The following MAML3 variants were observed in gnomAD, a reference collection of about 807,000 sequenced individuals.
MAML3 encodes the protein mastermind-like protein 3.
In MAML3, 27 loss-of-function variants were observed where a neutral mutation model predicts 101.9. That is an observed-to-expected ratio of 0.27 (90% CI 0.20 to 0.37). The LOEUF is 0.37. Ranked by LOEUF, MAML3 falls within the 10% of genes least tolerant of loss-of-function variation. MAML3 has a pLI of 1.00. For synonymous variants in MAML3, 501 were observed against 555.9 expected, an observed-to-expected ratio of 0.90 and a Z score of 1.39; for missense variants, 1,316 against 1,444.9, an observed-to-expected ratio of 0.91 and a Z score of 1.45.
chr4:139,964,887 C>T (rs1734096643), intron 1 of MAML3, among the ~76,000 whole-genome samples: 1 of 152,102 alleles, frequency 6.6e-6, no homozygotes, highest in Admixed American at 6.6e-5. Context: ...AAAGAGAAGT[C>T]TTGGTATGTA....
At chr4:140,104,474 ATTT>A (rs565204552) in intron 1 of MAML3, among the ~76,000 whole-genome samples, 3 of 87,000 alleles carry the variant, frequency 3.4e-5, no homozygotes, top group Non-Finnish European at 4.6e-5. Flanking sequence ...TATATATATA[ATTT>A]TTTTTTTTTT....
chr4:140,128,272 A>T (rs1728716063), intron 1 of MAML3, among the ~76,000 whole-genome samples: 1 of 152,190 alleles, frequency 6.6e-6, no homozygotes, highest in African/African-American at 2.4e-5. Context: ...AGAAGCCAAA[A>T]ATACTCATAG....
chr4:139,746,891 GT>G (rs1362156736), intron 2 of MAML3, among the ~76,000 whole-genome samples: 2 of 152,170 alleles, frequency 1.3e-5, no homozygotes, highest in Non-Finnish European at 2.9e-5. Flanking sequence ...GGAGAATCGG[GT>G]GGGAGGGGGT....
At chr4:139,910,760 T>A (rs1732901446) in intron 1 of MAML3, among the ~76,000 whole-genome samples, 1 of 151,930 alleles carries the variant, frequency 6.6e-6, no homozygotes. Context: ...TGAGTGGGTG[T>A]GAAGGAGAAG....
chr4:140,013,507 G>A (rs376298036), intron 1 of MAML3, among the ~76,000 whole-genome samples: 3 of 151,960 alleles, frequency 2.0e-5, no homozygotes, highest in Non-Finnish European at 2.9e-5. Flanking sequence ...TTTTGTGCCC[G>A]TTTTTCTTTT....
At chr4:139,897,578 C>T (rs557155311) in intron 1 of MAML3, among the ~76,000 whole-genome samples, 23 of 152,250 alleles carry the variant, frequency 1.5e-4, no homozygotes, top group Admixed American at 3.9e-4. Context: ...TCTCATCTTC[C>T]GCCCACAATG....
At chr4:140,057,446 C>T (rs796342202) in intron 1 of MAML3, among the ~76,000 whole-genome samples, 1 of 152,056 alleles carries the variant, frequency 6.6e-6, no homozygotes. Flanking sequence ...AAAGAATGTT[C>T]TAAGGTGATG....
intron 1 of MAML3, among the ~76,000 whole-genome samples, chr4:140,089,139 C>A (rs1227025957): frequency 6.6e-6 from 1 of 152,150 alleles, no homozygotes; most frequent in African/African-American, 2.4e-5. Context: ...TCATATCATA[C>A]CTATGACTGA....
chr4:139,722,550 A>G (rs1728278870), intron 4 of MAML3, among the ~76,000 whole-genome samples: 1 of 152,250 alleles, frequency 6.6e-6, no homozygotes, highest in Admixed American at 6.5e-5. Flanking sequence ...ACAATGTCCA[A>G]GAAAATCTTG....
At chr4:139,883,960 A>C (rs1732275161) in intron 2 of MAML3, among the ~76,000 whole-genome samples, 1 of 147,262 alleles carries the variant, frequency 6.8e-6, no homozygotes, top group South Asian at 2.1e-4. Flanking sequence ...GCAGTCACTG[A>C]AACCCCTGCC....
chr4:139,936,700 C>T (rs1010641078), intron 1 of MAML3, among the ~76,000 whole-genome samples: 1 of 151,920 alleles, frequency 6.6e-6, no homozygotes, highest in African/African-American at 2.4e-5. Flanking sequence ...ATGGTGAGAC[C>T]CTGTCTCTAA....
chr4:140,119,638 T>TTA, intron 1 of MAML3, among the ~76,000 whole-genome samples: 1 of 70,644 alleles, frequency 1.4e-5, no homozygotes, highest in Non-Finnish European at 2.7e-5. Flanking sequence ...TTTTTTTTTT[T>TTA]AGATGAGGTC....
intron 2 of MAML3, among the ~76,000 whole-genome samples, chr4:139,784,522 T>TCC (rs1157302663): frequency 2.0e-5 from 3 of 152,258 alleles, no homozygotes; most frequent in African/African-American, 7.2e-5. Flanking sequence ...TAAAAATACT[T>TCC]CCCTATGGCC....
chr4:140,074,644 TTAGTTTTCACTGTATTCA>T (rs146394801), intron 1 of MAML3, among the ~76,000 whole-genome samples: 2,612 of 152,288 alleles, frequency 0.017, 67 homozygotes, highest in African/African-American at 0.058. Flanking sequence ...CCTGAGCACA[TTAGTTTTCACTGTATTCA>T]TAGTATGTCA....
At chr4:139,910,131 A>G (rs759611129) in intron 1 of MAML3, among the ~76,000 whole-genome samples, 4 of 152,196 alleles carry the variant, frequency 2.6e-5, no homozygotes, top group Non-Finnish European at 5.9e-5. Flanking sequence ...AGAGACCACT[A>G]GGTTAGTAAC....
intron 1 of MAML3, among the ~76,000 whole-genome samples, chr4:139,951,302 A>G (rs994106005): frequency 6.6e-6 from 1 of 152,232 alleles, no homozygotes; most frequent in African/African-American, 2.4e-5. Flanking sequence ...ACAGTCAGCA[A>G]TTTTGAATGT....
In MAML3 at chr4:139,720,169, T is replaced by C; in HGVS notation, c.2571A>G (p.Gly857=). Reference sequence around the variant, plus strand: ...TAGGCGTGGTGCTATAAGGGGCCAGTCCCATCTCCGACTGCGCAGCTGCGG... The same window carrying C: ...TAGGCGTGGTGCTATAAGGGGCCAGCCCCATCTCCGACTGCGCAGCTGCGG... ...MATAAAQSEM[G]LAPYSTTPTS... is the part of the protein sequence containing the mutation. Residue 857 remains glycine (G), a synonymous_variant, in exon 5 of 5, where the codon GGA becomes GGG. Transcript: ENST00000509479. 6.2e-7 allele frequency: 1 copy of C among 1,614,054 alleles called. No individual in the cohort carries two copies. Among genetic ancestry groups the C allele is most frequent in the African/African-American group, 1.3e-5 (1 of 75,072 alleles).
At chr4:140,083,930 G>A (rs1052523383) in intron 1 of MAML3, among the ~76,000 whole-genome samples, 3 of 85,290 alleles carry the variant, frequency 3.5e-5, no homozygotes, top group South Asian at 4.7e-4. Context: ...ACACACACGC[G>A]CGCACACACA....
chr4:139,787,733 T>TATG (rs1730331351), intron 2 of MAML3, among the ~76,000 whole-genome samples: 1 of 152,234 alleles, frequency 6.6e-6, no homozygotes, highest in Non-Finnish European at 1.5e-5. Flanking sequence ...ATTATTTTAC[T>TATG]ATGAGTTCAG....
Sources: allele counts gnomAD v4.1 joint callset (sites outside exome capture counted in the v4.1 genomes callset), GRCh38; gene constraint gnomAD v4.1.1; transcripts MANE v1.5; gene names NCBI Gene and HGNC (gene_info 2026-07-23, HGNC 2026-07-21).